VCAN: variants seen among roughly 807,000 people sequenced by gnomAD.
VCAN encodes the protein versican, also known as versican core protein.
In VCAN, 44 loss-of-function variants were observed where a neutral mutation model predicts 245.5. That is an observed-to-expected ratio of 0.18 (90% CI 0.14 to 0.23). VCAN has a LOEUF of 0.23. VCAN is among the 10% of genes least tolerant of loss of function. The pLI is 1.00. For missense variants in VCAN, 3,793 were observed against 4,057.9 expected (o/e 0.93, Z 1.77); for synonymous variants, 1,413 against 1,437.0 (o/e 0.98, Z 0.38).
At chr5:83,545,249 C>G (rs974031257) in intron 8 of VCAN, among the ~76,000 whole-genome samples, 1 of 152,236 alleles carries the variant, frequency 6.6e-6, no homozygotes, top group East Asian at 1.9e-4. Flanking sequence ...ATCATGCCAA[C>G]TAAATCTGCA....
intron 1 of VCAN, among the ~76,000 whole-genome samples, chr5:83,481,700 G>T (rs985490): frequency 6.6e-6 from 1 of 151,916 alleles, no homozygotes; most frequent in Non-Finnish European, 1.5e-5. Flanking sequence ...AATATAAGAT[G>T]TATAATGTAT....
Position 83,533,008 on chromosome 5 carries a change from G to C in VCAN, c.4004-3999G>C, listed in dbSNP as rs145962612. On this transcript the variant is annotated intron_variant, in intron 7 of 14. Coordinates refer to ENST00000265077, the MANE Select transcript of VCAN (RefSeq NM_004385.5). ...AAAAAGATGGTATATATGTTAATCT[G>C]CTTCCTTTTACCATCTATATGCATC... is the stretch of plus-strand genomic sequence containing the variant. Among the ~76,000 whole-genome samples the C allele has an allele frequency of 4.7e-3, 718 of 152,080 alleles. 8 individuals are homozygous for C. The highest frequency in any genetic ancestry group is 0.016 in the African/African-American group (675 of 41,488).
At chr5:83,515,215 G>A (rs1328896962) in intron 6 of VCAN, among the ~76,000 whole-genome samples, 3 of 152,158 alleles carry the variant, frequency 2.0e-5, no homozygotes, top group Non-Finnish European at 4.4e-5. Context: ...TGCATATTTA[G>A]TTTTTTACTT....
intron 11 of VCAN, 73 bp from the exon 12 acceptor site, chr5:83,554,883 A>C: frequency 7.2e-7 from 1 of 1,395,388 alleles, no homozygotes; most frequent in South Asian, 1.2e-5. Context: ...TGCTGAAAAT[A>C]ATTTTCTTTG....
intron 5 of VCAN, among the ~76,000 whole-genome samples, chr5:83,499,582 ATTTCTCCTCTCACTCT>A (rs144308547): frequency 0.036 from 5,409 of 151,656 alleles, 325 homozygotes; most frequent in African/African-American, 0.12. Flanking sequence ...TCCTCTTTGT[ATTTCTCCTCTCACTCT>A]TTTCTCCTCT....
intron 7 of VCAN, among the ~76,000 whole-genome samples, chr5:83,523,796 T>C (rs1046258217): frequency 6.6e-6 from 1 of 152,148 alleles, no homozygotes; most frequent in Non-Finnish European, 1.5e-5. Context: ...TCTACATCCT[T>C]TTCCATCTCT....
At chr5:83,503,215 GGAGA>G (rs147003048) in intron 5 of VCAN, among the ~76,000 whole-genome samples, 1,750 of 151,934 alleles carry the variant, frequency 0.012, 42 homozygotes, top group African/African-American at 0.039. Flanking sequence ...AAAAAACGAT[GGAGA>G]GAGAGATAGA....
At chr5:83,498,051 T>C (rs950962066) in intron 5 of VCAN, among the ~76,000 whole-genome samples, 1 of 152,190 alleles carries the variant, frequency 6.6e-6, no homozygotes, top group East Asian at 1.9e-4. Context: ...TATCCTCTTA[T>C]GGCCTGCATT....
intron 2 of VCAN, among the ~76,000 whole-genome samples, chr5:83,484,645 G>T (rs1186523796): frequency 6.6e-6 from 1 of 151,826 alleles, no homozygotes; most frequent in Non-Finnish European, 1.5e-5. Context: ...TATTATTCTG[G>T]GTGTCTGGGA....
intron 1 of VCAN, among the ~76,000 whole-genome samples, chr5:83,480,820 C>T (rs1203317099): frequency 6.6e-6 from 1 of 151,978 alleles, no homozygotes; most frequent in Non-Finnish European, 1.5e-5. Flanking sequence ...TGTAAGAGCC[C>T]CAAATACTAT....
Position 83,553,592 on chromosome 5 carries a change from C to G in VCAN, c.9652+70C>G, listed in dbSNP as rs1747555423. ...TCACTCTCTTAGTTTTGTCTGTGTG[C>G]AAGTGAAAAGAAGTAGCTTTTTCAA... On this transcript the variant is annotated intron_variant, in intron 11 of 14. Transcript: ENST00000265077. The G allele has an allele frequency of 1.9e-6, 3 of 1,599,842 alleles. No individual in the cohort carries two copies. The South Asian group carries it at 3.3e-5, about 18-fold the overall frequency.
intron 5 of VCAN, among the ~76,000 whole-genome samples, chr5:83,507,283 G>A (rs889599241): frequency 5.9e-5 from 9 of 152,144 alleles, no homozygotes; most frequent in African/African-American, 2.2e-4. Context: ...GCAACTATCC[G>A]TTAAATCTAA....
intron 2 of VCAN, among the ~76,000 whole-genome samples, chr5:83,485,957 C>T (rs748347983): frequency 2.8e-4 from 43 of 151,812 alleles, no homozygotes; most frequent in Non-Finnish European, 5.3e-4. Context: ...AAAAATTAGC[C>T]GGGGGTGGTG....
chr5:83,481,071 G>A (rs1001439517), intron 1 of VCAN, among the ~76,000 whole-genome samples: 1 of 152,002 alleles, frequency 6.6e-6, no homozygotes, highest in Non-Finnish European at 1.5e-5. Flanking sequence ...AATATAAGTA[G>A]AGAATGCAGA....
intron 12 of VCAN, among the ~76,000 whole-genome samples, chr5:83,570,599 A>G (rs1279485449): frequency 6.6e-6 from 1 of 152,158 alleles, no homozygotes; most frequent in Non-Finnish European, 1.5e-5. Flanking sequence ...TTATTGGTAT[A>G]CAAATCCAAT....
At chr5:83,475,539 G>A (rs1744358238) in intron 1 of VCAN, among the ~76,000 whole-genome samples, 1 of 152,168 alleles carries the variant, frequency 6.6e-6, no homozygotes, top group Non-Finnish European at 1.5e-5. Flanking sequence ...GGTACCAATG[G>A]AAGCAACAAT....
intron 2 of VCAN, among the ~76,000 whole-genome samples, chr5:83,483,978 A>C (rs774237718): frequency 1.3e-5 from 2 of 152,212 alleles, no homozygotes; most frequent in South Asian, 4.1e-4. Context: ...GATAAAGAGA[A>C]AGCTGACAGC....
chr5:83,545,407 A>G (rs1166975309), intron 8 of VCAN, 130 bp from the exon 9 acceptor site: 5 of 783,224 alleles, frequency 6.4e-6, no homozygotes, highest in Non-Finnish European at 6.9e-6. Flanking sequence ...GTTAATTTTT[A>G]TATGTAGTAA....
chr5:83,568,256 A>G (rs1194132551), intron 12 of VCAN, among the ~76,000 whole-genome samples: 1 of 152,214 alleles, frequency 6.6e-6, no homozygotes, highest in African/African-American at 2.4e-5. Flanking sequence ...TGGCAATAAC[A>G]TGAAGCAAAA....
Sources: gnomAD v4.1 joint callset for allele counts (sites outside exome capture counted in the v4.1 genomes callset) on GRCh38, gnomAD v4.1.1 for gene constraint, MANE v1.5 for transcripts, NCBI Gene and HGNC (gene_info 2026-07-23, HGNC 2026-07-21) for gene names.